PCDH9: variants seen among roughly 807,000 people sequenced by gnomAD.
PCDH9 encodes protocadherin 9, also known as protocadherin-9.
Under a neutral mutation model 70.6 loss-of-function variants are expected in PCDH9, and 24 were observed. The observed-to-expected ratio is 0.34, with a 90% CI of 0.25 to 0.48. The LOEUF is 0.48. Ranked by LOEUF, PCDH9 falls within the 20% of genes least tolerant of loss-of-function variation. The probability of loss-of-function intolerance (pLI) is 0.99; values close to 1 mark genes in which losing one functional copy is unlikely to be tolerated. For synonymous variants in PCDH9, 562 were observed against 558.5 expected, an observed-to-expected ratio of 1.01 and a Z score of -0.09; for missense variants, 1,281 against 1,503.6, an observed-to-expected ratio of 0.85 and a Z score of 2.45.
chr13:66,911,246 G>A (rs1308104230), intron 2 of PCDH9, among the ~76,000 whole-genome samples: 1 of 152,116 alleles, frequency 6.6e-6, no homozygotes, highest in Non-Finnish European at 1.5e-5. Flanking sequence ...ACTGTTCAAG[G>A]CAGATGTGCT....
intron 4 of PCDH9, among the ~76,000 whole-genome samples, chr13:66,520,863 T>C (rs1263655245): frequency 6.6e-6 from 1 of 152,154 alleles, no homozygotes; most frequent in Non-Finnish European, 1.5e-5. Context: ...CAGAGGAGAA[T>C]GAAATGCTTC....
chr13:66,615,543 G>C (rs2077344936), intron 4 of PCDH9, among the ~76,000 whole-genome samples: 1 of 152,066 alleles, frequency 6.6e-6, no homozygotes. Flanking sequence ...TTTCAAAGAT[G>C]GTTCATAATG....
chr13:66,611,944 C>T (rs921285743), intron 4 of PCDH9, among the ~76,000 whole-genome samples: 7 of 152,224 alleles, frequency 4.6e-5, no homozygotes, highest in African/African-American at 1.7e-4. Context: ...ATTATTTGTA[C>T]TCTCTACAGC....
chr13:67,148,998 C>T (rs2087592239), intron 2 of PCDH9, among the ~76,000 whole-genome samples: 1 of 152,092 alleles, frequency 6.6e-6, no homozygotes, highest in Admixed American at 6.5e-5. Flanking sequence ...AGTAAGGCAC[C>T]TATAGAGCAA....
chr13:66,688,817 C>G (rs187465811), intron 3 of PCDH9, among the ~76,000 whole-genome samples: 21 of 152,118 alleles, frequency 1.4e-4, no homozygotes, highest in Non-Finnish European at 2.6e-4. Flanking sequence ...ATTTCCCTTC[C>G]GAACACCCCT....
intron 2 of PCDH9, among the ~76,000 whole-genome samples, chr13:67,166,598 G>T (rs1337624093): frequency 6.6e-6 from 1 of 152,144 alleles, no homozygotes; most frequent in East Asian, 1.9e-4. Context: ...TCAAATGAAA[G>T]TGTCCGGTTA....
At chr13:67,086,465 CCT>C (rs1292720925) in intron 2 of PCDH9, among the ~76,000 whole-genome samples, 1 of 152,108 alleles carries the variant, frequency 6.6e-6, no homozygotes, top group Non-Finnish European at 1.5e-5. Flanking sequence ...AGTTCGGCTG[CCT>C]CTGTCTCCCA....
chr13:66,613,143 C>G (rs1458441536), intron 4 of PCDH9, among the ~76,000 whole-genome samples: 1 of 152,134 alleles, frequency 6.6e-6, no homozygotes, highest in Non-Finnish European at 1.5e-5. Context: ...CAAGCAGCGG[C>G]TCCCCTCCAC....
At chr13:66,563,063 A>G (rs1484158267) in intron 4 of PCDH9, among the ~76,000 whole-genome samples, 1 of 152,064 alleles carries the variant, frequency 6.6e-6, no homozygotes, top group African/African-American at 2.4e-5. Flanking sequence ...TTTAACATTC[A>G]TGGGTTTTGC....
intron 2 of PCDH9, among the ~76,000 whole-genome samples, chr13:67,060,757 A>G (rs1179933309): frequency 6.6e-6 from 1 of 152,064 alleles, no homozygotes; most frequent in African/African-American, 2.4e-5. Flanking sequence ...AAATTAACAA[A>G]GACCTAGTTC....
At chr13:67,016,274 G>C (rs573977140) in intron 2 of PCDH9, among the ~76,000 whole-genome samples, 7 of 152,046 alleles carry the variant, frequency 4.6e-5, no homozygotes, top group Admixed American at 3.9e-4. Flanking sequence ...TTGTCACAAA[G>C]CCAGTGGGTG....
chr13:66,578,599 G>C (rs764169778), intron 4 of PCDH9, among the ~76,000 whole-genome samples: 19 of 151,912 alleles, frequency 1.3e-4, no homozygotes, highest in Non-Finnish European at 2.6e-4. Context: ...TTTCAGACTA[G>C]CATATTTTAC....
At chr13:66,344,680 T>C (rs564054056) in intron 4 of PCDH9, among the ~76,000 whole-genome samples, 2 of 152,220 alleles carry the variant, frequency 1.3e-5, no homozygotes, top group African/African-American at 2.4e-5. Flanking sequence ...CCTTTAGCTA[T>C]ATAATGGCTT....
Position 66,661,760 on chromosome 13 carries a change from C to A in PCDH9, c.3139-30349G>T, listed in dbSNP as rs923143434. ...AATGTGGAGCAATGGAACTATATGA[C>A]TAACTTTTAAATATGCTACTGATAA... On this transcript the variant is annotated intron_variant, in intron 3 of 4. Transcript: ENST00000377865. Among the ~76,000 whole-genome samples, 24 of 152,276 alleles carry A rather than the reference C, an allele frequency of 1.6e-4. No individual in the cohort carries two copies. In the South Asian group the frequency reaches 4.8e-3, roughly 30 times the overall value.
At chr13:66,661,747 T>A (rs2139017826) in intron 3 of PCDH9, among the ~76,000 whole-genome samples, 1 of 152,292 alleles carries the variant, frequency 6.6e-6, no homozygotes, top group Middle Eastern at 3.4e-3. Context: ...TGTGGAGCAA[T>A]GGAACTATAT....
chr13:66,409,296 T>A (rs1169038977), intron 4 of PCDH9, among the ~76,000 whole-genome samples: 1 of 152,244 alleles, frequency 6.6e-6, no homozygotes, highest in Non-Finnish European at 1.5e-5. Flanking sequence ...CATGGTCATT[T>A]AAACATGATT....
At chr13:67,211,607 T>C (rs932811830) in intron 2 of PCDH9, 12 of 152,120 alleles carry the variant, frequency 7.9e-5, no homozygotes, top group Admixed American at 2.0e-4. Flanking sequence ...AGCCGAATTA[T>C]GACATTTTCT....
chr13:66,980,730 G>GTTTTTTTTT lies in PCDH9; in HGVS notation c.3037-77134_3037-77126dup. ...TTTGTTTTTTCCTGTTTTTTTCTTT[G>GTTTTTTTTT]TTTTTTTTTTTGTTTTTTTTTTTAC... On this transcript the variant is annotated intron_variant, in intron 2 of 4. Transcript: ENST00000377865. 9.6e-4 allele frequency among the ~76,000 whole-genome samples: 68 copies of GTTTTTTTTT among 70,878 alleles called. 4 individuals carry two copies. The highest frequency in any genetic ancestry group is 1.5e-3 in the Non-Finnish European group (57 of 37,608). The allele number at this position is 70,878 out of a possible 152,430, so 46.5% of individuals were successfully genotyped here.
At chr13:66,980,892 T>C (rs2083749298) in intron 2 of PCDH9, among the ~76,000 whole-genome samples, 1 of 152,036 alleles carries the variant, frequency 6.6e-6, no homozygotes, top group South Asian at 2.1e-4. Flanking sequence ...AAATCTACAA[T>C]GAAGTAAACA....
Sources: allele counts gnomAD v4.1 joint callset (sites outside exome capture counted in the v4.1 genomes callset), GRCh38; gene constraint gnomAD v4.1.1; transcripts MANE v1.5; gene names NCBI Gene and HGNC (gene_info 2026-07-23, HGNC 2026-07-21).